BCL11A: variants seen among roughly 807,000 people sequenced by gnomAD.
BCL11A encodes BCL11 transcription factor A, also known as B cell CLL/lymphoma 11A.
A neutral mutation model predicts 55.9 loss-of-function variants in BCL11A; 2 were observed. That is an observed-to-expected ratio of 0.04 (90% CI 0.01 to 0.11). The LOEUF is 0.11. Among genes scored for constraint, BCL11A ranks in the 10% least tolerant of loss-of-function variants. The pLI, the probability that BCL11A is intolerant of heterozygous loss-of-function variation, is 1.00. For synonymous variants in BCL11A, 465 were observed against 473.4 expected (o/e 0.98, Z 0.23); for missense variants, 817 against 1,137.1 (o/e 0.72, Z 4.05).
At chr2:60,477,678 C>G (rs1433037176) in intron 2 of BCL11A, among the ~76,000 whole-genome samples, 1 of 152,226 alleles carries the variant, frequency 6.6e-6, no homozygotes, top group Non-Finnish European at 1.5e-5. Flanking sequence ...TTCGTGGGCA[C>G]TGTGGAAACA....
At position 60,468,261 on chromosome 2, in the gene BCL11A, C is replaced by A. The variant is rs113369687; in HGVS notation, c.487+471G>T. On this transcript the variant is annotated intron_variant, in intron 3 of 3. Transcript: ENST00000642384. Reference sequence around the variant, plus strand: ...TGTGGGCATGAATATACAACATATACTATGTTCAAATACACATGTAAATAC... The same window carrying A: ...TGTGGGCATGAATATACAACATATAATATGTTCAAATACACATGTAAATAC... Among the ~76,000 whole-genome samples, 145 of 152,206 alleles carry A rather than the reference C, an allele frequency of 9.5e-4. 1 individual carries two copies. The highest frequency in any genetic ancestry group is 3.2e-3 in the African/African-American group (134 of 41,488).
At chr2:60,528,966 CAGCT>C (rs1429538977) in intron 2 of BCL11A, among the ~76,000 whole-genome samples, 1 of 152,178 alleles carries the variant, frequency 6.6e-6, no homozygotes. Flanking sequence ...CTCTCCCAAC[CAGCT>C]AGCAGTAACA....
At chr2:60,505,344 TAAC>T (rs778900157) in intron 2 of BCL11A, among the ~76,000 whole-genome samples, 88 of 152,298 alleles carry the variant, frequency 5.8e-4, no homozygotes, top group Non-Finnish European at 7.8e-4. Flanking sequence ...GCTGCAGTAA[TAAC>T]AGCCCCAAAA....
In BCL11A at chr2:60,461,155, T is replaced by A; in HGVS notation, c.1757A>T (p.Asp586Val). The change falls in exon 4 of 4, where the codon GAC becomes GTC. Residue 586 changes from aspartate to valine, a missense_variant. Physicochemically the swap from Asp to Val is radical, Grantham distance 152. Transcript: ENST00000642384. ...CGACTCGCCGGCCACCGAGTCTTCGTCGCAAGTGTCCCTGTGGCCCTCGGC... is the reference window on the plus strand; with the variant it reads ...CGACTCGCCGGCCACCGAGTCTTCGACGCAAGTGTCCCTGTGGCCCTCGGC... ...AEAEGHRDTCDEDSVAGESDR... is the reference protein window; with the variant it reads ...AEAEGHRDTCVEDSVAGESDR... 6.2e-7 allele frequency: 1 copy of A among 1,612,380 alleles called. No homozygotes were observed. The highest frequency in any genetic ancestry group is 8.5e-7 in the Non-Finnish European group (1 of 1,179,740).
chr2:60,487,548 G>A (rs1017954174), intron 2 of BCL11A, among the ~76,000 whole-genome samples: 4 of 152,184 alleles, frequency 2.6e-5, no homozygotes, highest in Admixed American at 1.3e-4. Context: ...CAGATTAAGG[G>A]AAAACTAAAT....
chr2:60,514,992 G>A (rs754786527), intron 2 of BCL11A, among the ~76,000 whole-genome samples: 3 of 152,116 alleles, frequency 2.0e-5, no homozygotes, highest in South Asian at 4.2e-4. Context: ...GAACTCAGCC[G>A]TTCTCCCTCT....
At chr2:60,497,837 A>G (rs1679041763) in intron 2 of BCL11A, among the ~76,000 whole-genome samples, 1 of 152,100 alleles carries the variant, frequency 6.6e-6, no homozygotes, top group African/African-American at 2.4e-5. Flanking sequence ...CCAGTAGAGA[A>G]ATGATCAAAA....
At chr2:60,537,502 G>A (rs1403879735) in intron 2 of BCL11A, 1 of 152,210 alleles carries the variant, frequency 6.6e-6, no homozygotes, top group Non-Finnish European at 1.5e-5. Context: ...TTCAGGTTTG[G>A]TTCTCTTAGT....
chr2:60,477,624 G>GAAAGAAAGAA (rs1213119389), intron 2 of BCL11A, among the ~76,000 whole-genome samples: 1 of 152,018 alleles, frequency 6.6e-6, no homozygotes, highest in East Asian at 1.9e-4. Context: ...AAGAAAGAAA[G>GAAAGAAAGAA]AAATAATCAA....
intron 2 of BCL11A, among the ~76,000 whole-genome samples, chr2:60,487,447 T>C (rs1045114369): frequency 9.2e-5 from 14 of 152,198 alleles, no homozygotes; most frequent in African/African-American, 2.9e-4. Flanking sequence ...TCTTCTCAAA[T>C]GTAGATTATC....
chr2:60,461,433 TTCCTCGTCG>T lies in BCL11A; in HGVS notation c.1470_1478del (p.Asp490_Glu492del). The T allele has an allele frequency of 6.2e-7, 1 of 1,604,020 alleles. No individual in the cohort carries two copies. The highest frequency in any genetic ancestry group is 8.5e-7 in the Non-Finnish European group (1 of 1,178,728). On this transcript the variant is annotated inframe_deletion, in exon 4 of 4. Transcript: ENST00000642384. ...CCTCCTCTTCCTCCTCTTCTTCCTC[TTCCTCGTCG>T]TCCTCCTCTTCCTCCTCGTCCCCGT... is the stretch of plus-strand genomic sequence containing the variant.
intron 1 of BCL11A, among the ~76,000 whole-genome samples, chr2:60,551,850 GGCC>G: frequency 6.6e-6 from 1 of 150,540 alleles, no homozygotes; most frequent in Non-Finnish European, 1.5e-5. Context: ...GGCGAGGCCA[GGCC>G]GCCGCCGCCG....
intron 2 of BCL11A, among the ~76,000 whole-genome samples, chr2:60,506,964 G>C (rs1469447629): frequency 1.3e-5 from 2 of 152,084 alleles, no homozygotes; most frequent in African/African-American, 4.8e-5. Context: ...GGCATGTGAT[G>C]AACAGAGCTA....
chr2:60,469,483 T>C (rs989283280), intron 2 of BCL11A, among the ~76,000 whole-genome samples: 1 of 152,190 alleles, frequency 6.6e-6, no homozygotes, highest in Non-Finnish European at 1.5e-5. Flanking sequence ...CTTCTCACAA[T>C]ACAAAGCAAT....
chr2:60,553,068 A>C (rs1670488068), intron 1 of BCL11A, 148 bp downstream of exon 1: 1 of 752,208 alleles, frequency 1.3e-6, no homozygotes, highest in Non-Finnish European at 2.0e-6. Flanking sequence ...TTCCCCCTTT[A>C]TCTCTTTTAC....
At chr2:60,452,780 C>T, downstream of BCL11A, 1 of 756,450 alleles carries the variant, frequency 1.3e-6, no homozygotes, top group South Asian at 1.7e-5. Flanking sequence ...AAACCAACCA[C>T]AGGTCGAGCC....
chr2:60,483,664 G>T (rs1300456483), intron 2 of BCL11A, among the ~76,000 whole-genome samples: 1 of 152,218 alleles, frequency 6.6e-6, no homozygotes, highest in Non-Finnish European at 1.5e-5. Flanking sequence ...GAATGAGCTG[G>T]CATATTAGCA....
chr2:60,549,667 T>G (rs1355449062), intron 1 of BCL11A: 1 of 152,148 alleles, frequency 6.6e-6, no homozygotes, highest in Non-Finnish European at 1.5e-5. Flanking sequence ...CCCTGACTGC[T>G]GCCTCCATGC....
rs553964530 is a variant in BCL11A at position 60,550,229 on chromosome 2, C to G, written c.55+2987G>C. 1.8e-4 allele frequency among the ~76,000 whole-genome samples: 27 copies of G among 152,262 alleles called. No individual in the cohort carries two copies. In the East Asian group the frequency reaches 3.7e-3, roughly 21 times the overall value. On this transcript the variant is annotated intron_variant, in intron 1 of 3. Transcript: ENST00000642384. ...CCCCGAAAGAAAGCGAAAACTGCAC[C>G]GTGCTCCGAGCCCGGCGCGCGCTGG...
Sources: allele counts gnomAD v4.1 joint callset (sites outside exome capture counted in the v4.1 genomes callset), GRCh38; gene constraint gnomAD v4.1.1; transcripts MANE v1.5; gene names NCBI Gene and HGNC (gene_info 2026-07-23, HGNC 2026-07-21).